Variants in SERPINB12 observed in about 807,000 individuals in gnomAD.
SERPINB12 encodes serpin B12.
A neutral mutation model predicts 41.1 loss-of-function variants in SERPINB12; 57 were observed. The observed-to-expected ratio is 1.39, with a 90% CI of 1.12 to 1.73. The LOEUF is 1.73. Among genes scored for constraint, SERPINB12 ranks in the 40% most tolerant of loss-of-function variants. The pLI is 0.00. For synonymous variants in SERPINB12, 180 were observed against 181.3 expected (o/e 0.99, Z 0.06); for missense variants, 536 against 501.9 (o/e 1.07, Z -0.65).
chr18:63,559,364 A>G (rs959178289), intron 3 of SERPINB12, among the ~76,000 whole-genome samples: 31 of 152,064 alleles, frequency 2.0e-4, no homozygotes, highest in Admixed American at 6.5e-5. Flanking sequence ...TGATCTTGAT[A>G]TAGATGTGGG....
intron 1 of SERPINB12, among the ~76,000 whole-genome samples, chr18:63,547,200 T>G (rs1461116192): frequency 6.6e-6 from 1 of 152,220 alleles, no homozygotes; most frequent in Non-Finnish European, 1.5e-5. Flanking sequence ...GTCAGATGCC[T>G]GATGTATATG....
At position 63,566,930 on chromosome 18, in the gene SERPINB12, T is replaced by A; in HGVS notation, c.1197T>A (p.Asn399Lys). ...ERSLRSWVEFNANHPFLFFIR... is the reference protein window; with the variant it reads ...ERSLRSWVEFKANHPFLFFIR... ...CACTACGATCTTGGGTGGAGTTTAA[T>A]GCCAACCACCCTTTTCTCTTTTTCA... Residue 399 changes from asparagine (N) to lysine (K), a missense_variant, in exon 8 of 8, where the codon AAT becomes AAA. Transcript: ENST00000382768. 1 of 1,614,090 alleles carries A rather than the reference T, an allele frequency of 6.2e-7. No individual in the cohort carries two copies. Among genetic ancestry groups the A allele is most frequent in the Non-Finnish European group, 8.5e-7 (1 of 1,179,990 alleles).
chr18:63,526,028 G>GA, the SERPINB12 span, among the ~76,000 whole-genome samples: 1 of 151,924 alleles, frequency 6.6e-6, no homozygotes, highest in Non-Finnish European at 1.5e-5. Flanking sequence ...ATAAACCCAG[G>GA]AAAAAATGTA....
upstream of SERPINB12, among the ~76,000 whole-genome samples, chr18:63,542,133 T>A (rs1910285249): frequency 6.6e-6 from 1 of 152,196 alleles, no homozygotes; most frequent in Non-Finnish European, 1.5e-5. Context: ...GATATGACAC[T>A]TCCTCTTTAC....
chr18:63,537,326 G>C, the SERPINB12 span, among the ~76,000 whole-genome samples: 1 of 152,130 alleles, frequency 6.6e-6, no homozygotes, highest in African/African-American at 2.4e-5. Flanking sequence ...TCTGACCTGT[G>C]TGTTTCTAGT....
chr18:63,565,514 AAGGCAC>A lies in SERPINB12; in HGVS notation c.778_783del (p.Ala260_Gln261del), dbSNP rs764348817. 3.8e-5 allele frequency: 62 copies of A among 1,613,988 alleles called. No homozygotes were observed. In the Middle Eastern group the frequency reaches 1.8e-3, roughly 47 times the overall value. The stretch of plus-strand genomic sequence containing the variant: ...CAGAATTGGCTTCATAGAGGAGGTG[AAGGCAC>A]AGATCCTGGAAATGAGGTACACCAA... On this transcript the variant is annotated inframe_deletion, in exon 7 of 8. Transcript: ENST00000382768.
intron 2 of SERPINB12, 52 bp from the exon 3 acceptor site, chr18:63,558,300 A>C: frequency 1.9e-6 from 3 of 1,541,242 alleles, no homozygotes; most frequent in Non-Finnish European, 2.6e-6. Context: ...GAAGTTATTC[A>C]GGCTTCCCTC....
At chr18:63,546,493 T>C (rs1429671674) in intron 1 of SERPINB12, among the ~76,000 whole-genome samples, 2 of 152,196 alleles carry the variant, frequency 1.3e-5, no homozygotes, top group African/African-American at 4.8e-5. Flanking sequence ...AGCAAAAACT[T>C]TGAAGTAGCT....
chr18:63,520,513 C>A, the SERPINB12 span, among the ~76,000 whole-genome samples: 2 of 152,128 alleles, frequency 1.3e-5, no homozygotes, highest in African/African-American at 2.4e-5. Context: ...GTCCTTCATG[C>A]TGGCTGAGGA....
At position 63,567,026 on chromosome 18, in the gene SERPINB12, C is replaced by G; in HGVS notation, c.*15C>G. 1 of 1,537,574 alleles carries G rather than the reference C, an allele frequency of 6.5e-7. No individual in the cohort carries two copies. The highest frequency in any genetic ancestry group is 8.7e-7 in the Non-Finnish European group (1 of 1,146,136). On this transcript the variant is annotated 3_prime_UTR_variant, in exon 8 of 8. Transcript: ENST00000382768. The stretch of plus-strand genomic sequence containing the variant: ...GCTCTCCTTAAAAGGGGAGCAGTGT[C>G]TAGTACTTTGGAGCTGGAGGAAAAT...
At chr18:63,549,136 T>G (rs901609615) in intron 1 of SERPINB12, among the ~76,000 whole-genome samples, 1 of 152,108 alleles carries the variant, frequency 6.6e-6, no homozygotes, top group African/African-American at 2.4e-5. Context: ...AGATGCAATT[T>G]GAAGTGAAAA....
intron 3 of SERPINB12, among the ~76,000 whole-genome samples, chr18:63,559,207 C>G (rs1910814461): frequency 6.6e-6 from 1 of 151,672 alleles, no homozygotes; most frequent in Non-Finnish European, 1.5e-5. Flanking sequence ...TGGGTTCAAG[C>G]AATTTTCCTG....
chr18:63,538,633 A>C (rs530420411), upstream of SERPINB12, among the ~76,000 whole-genome samples: 1 of 152,228 alleles, frequency 6.6e-6, no homozygotes, highest in African/African-American at 2.4e-5. Context: ...GGCTATTATG[A>C]TTAATATTGC....
chr18:63,527,778 G>T, the SERPINB12 span, among the ~76,000 whole-genome samples: 2 of 152,084 alleles, frequency 1.3e-5, no homozygotes, highest in South Asian at 2.1e-4. Flanking sequence ...CACAAACATA[G>T]AATTAAAATT....
chr18:63,536,154 T>A, the SERPINB12 span, among the ~76,000 whole-genome samples: 1 of 151,614 alleles, frequency 6.6e-6, no homozygotes, highest in Non-Finnish European at 1.5e-5. Flanking sequence ...TTGAAATTAA[T>A]TACAAGCAAA....
upstream of SERPINB12, among the ~76,000 whole-genome samples, chr18:63,539,525 A>G (rs1354178949): frequency 6.6e-6 from 1 of 152,114 alleles, no homozygotes; most frequent in Non-Finnish European, 1.5e-5. Flanking sequence ...GTCTCGGTCA[A>G]GGAATTAATG....
intron 3 of SERPINB12, among the ~76,000 whole-genome samples, chr18:63,559,039 T>TTTCTTTCTTTC (rs1910794009): frequency 5.8e-5 from 2 of 34,720 alleles, no homozygotes; most frequent in Admixed American, 2.8e-4. Context: ...TCTTTCTTTC[T>TTTCTTTCTTTC]TTCTTTCTTT....
the SERPINB12 span, among the ~76,000 whole-genome samples, chr18:63,529,404 G>A: frequency 2.5e-4 from 38 of 152,160 alleles, no homozygotes; most frequent in Non-Finnish European, 5.0e-4. Flanking sequence ...GAGAGTCTTT[G>A]GTGATAGTTC....
intron 1 of SERPINB12, among the ~76,000 whole-genome samples, chr18:63,543,024 T>C (rs1910306804): frequency 6.6e-6 from 1 of 152,220 alleles, no homozygotes; most frequent in Non-Finnish European, 1.5e-5. Context: ...TACCACATTT[T>C]CTTTATTTAG....
Sources: gnomAD v4.1 joint callset for allele counts (sites outside exome capture counted in the v4.1 genomes callset) on GRCh38, gnomAD v4.1.1 for gene constraint, MANE v1.5 for transcripts, NCBI Gene and HGNC (gene_info 2026-07-23, HGNC 2026-07-21) for gene names.